Variants in CSTF2T observed in about 807,000 individuals in gnomAD.
CSTF2T encodes cleavage stimulation factor subunit 2 tau variant, also known as CF-1 64 kDa subunit tau.
In CSTF2T, 18 loss-of-function variants were observed where a neutral mutation model predicts 39.9. The observed-to-expected ratio is 0.45, with a 90% CI of 0.31 to 0.67. CSTF2T has a LOEUF of 0.67. Among genes scored for constraint, CSTF2T ranks in the 30% least tolerant of loss-of-function variants. CSTF2T has a pLI of 0.06. For missense variants in CSTF2T, 681 were observed against 789.0 expected, an observed-to-expected ratio of 0.86 and a Z score of 1.64; for synonymous variants, 291 against 276.4, an observed-to-expected ratio of 1.05 and a Z score of -0.52.
rs745824391 is a variant in CSTF2T at position 51,699,372 on chromosome 10, C to T, written c.178G>A (p.Gly60Ser). The T allele has an allele frequency of 4.3e-6, 7 of 1,614,158 alleles. No homozygotes were observed. In the South Asian group the frequency reaches 7.7e-5, roughly 18 times the overall value. The change falls in exon 1 of 1, where the codon GGC becomes AGC. Residue 60 changes from glycine to serine, a missense_variant. By Grantham distance (56) the Gly-to-Ser change is moderately conservative (BLOSUM62 0). Coordinates refer to ENST00000331173, the MANE Select transcript of CSTF2T (RefSeq NM_015235.3). ...TCCTGGTCTTGGTATTCGCAGAAGC[C>T]ATAGCCCTTGGGTTTTCCCGTCTCT... ...DRETGKPKGY[G>S]FCEYQDQETA...
Position 51,698,335 on chromosome 10 carries a change from T to C in CSTF2T, c.1215A>G (p.Leu405=). ...CTCTACCACCTCTACCATCCATAGG[T>C]AGACCCCTTTGATCTATCATGGGGC... ...PRGPMIDQRG[L]PMDGRGGRDS... Residue 405 remains leucine, a synonymous_variant, in exon 1 of 1, where the codon CTA becomes CTG. Transcript: ENST00000331173. 3 of 1,614,140 alleles carry C rather than the reference T, an allele frequency of 1.9e-6. No individual in the cohort carries two copies. Among genetic ancestry groups the C allele is most frequent in the South Asian group, 1.1e-5 (1 of 91,086 alleles).
Position 51,697,375 on chromosome 10 carries a change from C to T in CSTF2T, c.*324G>A, listed in dbSNP as rs1301910465. 1 of 247,654 alleles carries T rather than the reference C, an allele frequency of 4.0e-6. No individual in the cohort carries two copies. The highest frequency in any genetic ancestry group is 7.7e-6 in the Non-Finnish European group (1 of 129,846). 15.3% of individuals were successfully genotyped at this position (247,654 alleles called of 1,614,324 possible). Reference sequence around the variant, plus strand: ...TGAGCAGTTTTCACGAAGTTTTACTCGACATTTAAAAAATGTAGTTAACAT... The same window carrying T: ...TGAGCAGTTTTCACGAAGTTTTACTTGACATTTAAAAAATGTAGTTAACAT... On this transcript the variant is annotated 3_prime_UTR_variant, in exon 1 of 1. Transcript: ENST00000331173.
rs1447243903 is a variant in CSTF2T at position 51,697,116 on chromosome 10, A to C, written c.*583T>G. ...TTTTCAGGTAACATAACTTTAGAAAAAAACAATTCTAATACAAGTGTAACC... is the reference window on the plus strand; with the variant it reads ...TTTTCAGGTAACATAACTTTAGAAACAAACAATTCTAATACAAGTGTAACC... On this transcript the variant is annotated 3_prime_UTR_variant, in exon 1 of 1. Coordinates refer to ENST00000331173, the MANE Select transcript of CSTF2T (RefSeq NM_015235.3). The C allele has an allele frequency of 6.6e-6, 1 of 152,260 alleles. No homozygotes were observed. Among genetic ancestry groups the C allele is most frequent in the African/African-American group, 2.4e-5 (1 of 41,458 alleles). 9.4% of individuals were successfully genotyped at this position (152,260 alleles called of 1,614,324 possible). A position where few individuals can be genotyped will look rare whatever the true frequency, so the allele number is the denominator to read the frequency against.
Position 51,695,713 on chromosome 10 carries a change from G to T in CSTF2T, c.*1986C>A, listed in dbSNP as rs927537284. 1 of 152,102 alleles carries T rather than the reference G, an allele frequency of 6.6e-6. No homozygotes were observed. Among genetic ancestry groups the T allele is most frequent in the South Asian group, 2.1e-4 (1 of 4,834 alleles). The allele number at this position is 152,102 out of a possible 1,614,324, so 9.4% of individuals were successfully genotyped here. ...ATAGGGGAGGCATATAGGAAACATG[G>T]GAAAGTAGCAGTATGAACAAGAGTA... On this transcript the variant is annotated 3_prime_UTR_variant, in exon 1 of 1. Coordinates refer to ENST00000331173, the MANE Select transcript of CSTF2T (RefSeq NM_015235.3).
Position 51,699,307 on chromosome 10 carries a change from C to A in CSTF2T, c.243G>T (p.Glu81Asp). ...CCACCCGAAGCGCTCTCCCACTGAA[C>A]TCCCGCCCATTGAGGTTCCGCATGG... ...LSAMRNLNGR[E>D]FSGRALRVDN... The change falls in exon 1 of 1, where the codon GAG becomes GAT. Residue 81 changes from glutamate to aspartate, a missense_variant. Transcript: ENST00000331173. 3.1e-6 allele frequency: 5 copies of A among 1,614,164 alleles called. No homozygotes were observed. Among genetic ancestry groups the A allele is most frequent in the Non-Finnish European group, 4.2e-6 (5 of 1,180,038 alleles).
At position 51,699,591 on chromosome 10, in the gene CSTF2T, C is replaced by A. The variant is rs1183024455; in HGVS notation, c.-42G>T. 2 of 1,567,356 alleles carry A rather than the reference C, an allele frequency of 1.3e-6. No individual in the cohort carries two copies. Among genetic ancestry groups the A allele is most frequent in the East Asian group, 2.2e-5 (1 of 44,596 alleles). ...ACAGCCGATAGCGGATTCTTCGAGG[C>A]GTCTGTCCTCTTGCGACCGACACTT... On this transcript the variant is annotated 5_prime_UTR_variant, in exon 1 of 1. Transcript: ENST00000331173.
In CSTF2T at chr10:51,697,207, C is replaced by T; in HGVS notation, c.*492G>A. On this transcript the variant is annotated 3_prime_UTR_variant, in exon 1 of 1. Transcript: ENST00000331173. ...TAAGACAATGCTTATCCTATTGCCT[C>T]CAAAATAGGATTTTGTATTTTAAAT... 6.5e-6 allele frequency: 1 copy of T among 154,748 alleles called. No homozygotes were observed. Among genetic ancestry groups the T allele is most frequent in the East Asian group, 1.9e-4 (1 of 5,228 alleles). 9.6% of individuals were successfully genotyped at this position (154,748 alleles called of 1,614,324 possible).
Position 51,698,640 on chromosome 10 carries a change from G to T in CSTF2T, c.910C>A (p.Gln304Lys). ...GVGPVPLERG[Q>K]VQMSDPRAPI... ...GCTCTAGGATCTGACATCTGCACTTGTCCCCGCTCTAAAGGCACTGGGCCA... is the reference window on the plus strand; with the variant it reads ...GCTCTAGGATCTGACATCTGCACTTTTCCCCGCTCTAAAGGCACTGGGCCA... The change falls in exon 1 of 1, where the codon CAA (glutamine) becomes AAA (lysine). Residue 304 changes from glutamine (Q) to lysine (K), a missense_variant. Transcript: ENST00000331173. 1 of 1,614,104 alleles carries T rather than the reference G, an allele frequency of 6.2e-7. No individual in the cohort carries two copies. Among genetic ancestry groups the T allele is most frequent in the Non-Finnish European group, 8.5e-7 (1 of 1,180,038 alleles).
Position 51,697,457 on chromosome 10 carries a change from A to G in CSTF2T, c.*242T>C. 1.9e-6 allele frequency: 1 copy of G among 521,464 alleles called. No homozygotes were observed. Among genetic ancestry groups the G allele is most frequent in the Non-Finnish European group, 3.4e-6 (1 of 295,492 alleles). The allele number at this position is 521,464 out of a possible 1,614,324, so 32.3% of individuals were successfully genotyped here. A position where few individuals can be genotyped will look rare whatever the true frequency, so the allele number is the denominator to read the frequency against. ...TTTGTAATCTTATTTGGCATAATAT[A>G]ATCATGTTCAGAGTTATTTTAAAGT... is the stretch of plus-strand genomic sequence containing the variant. On this transcript the variant is annotated 3_prime_UTR_variant, in exon 1 of 1. Coordinates refer to ENST00000331173, the MANE Select transcript of CSTF2T (RefSeq NM_015235.3).
Position 51,698,868 on chromosome 10 carries a change from G to T in CSTF2T, c.682C>A (p.Leu228Met), listed in dbSNP as rs149125442. The change falls in exon 1 of 1, where the codon CTG (leucine) becomes ATG (methionine). Residue 228 changes from leucine (L) to methionine (M), a missense_variant. By Grantham distance (15) the Leu-to-Met change is conservative. Coordinates refer to ENST00000331173, the MANE Select transcript of CSTF2T (RefSeq NM_015235.3). ...GPGLCPGPNV[L>M]LNQQNPPAPQ... is the part of the protein sequence containing the mutation. The stretch of plus-strand genomic sequence containing the variant: ...GCTGGAGGATTCTGCTGGTTCAGCA[G>T]AACATTAGGTCCTGGGCAGAGCCCA... 888 of 1,614,008 alleles carry T rather than the reference G, an allele frequency of 5.5e-4. No homozygotes were observed. Among genetic ancestry groups the T allele is most frequent in the Non-Finnish European group, 7.2e-4 (849 of 1,180,010 alleles).
rs2132402077 is a variant in CSTF2T at position 51,696,135 on chromosome 10, A to C, written c.*1564T>G. The C allele has an allele frequency of 6.6e-6, 1 of 152,340 alleles. No individual in the cohort carries two copies. 9.4% of individuals were successfully genotyped at this position (152,340 alleles called of 1,614,324 possible). ...CAAAAAGTAAAATGAGCAGTAAGTC[A>C]AGTGAGTATTCAGGCTATATAAAAA... On this transcript the variant is annotated 3_prime_UTR_variant, in exon 1 of 1. Coordinates refer to ENST00000331173, the MANE Select transcript of CSTF2T (RefSeq NM_015235.3).
Position 51,698,229 on chromosome 10 carries a change from A to G in CSTF2T, c.1321T>C (p.Cys441Arg). 6.2e-7 allele frequency: 1 copy of G among 1,614,074 alleles called. No individual in the cohort carries two copies. Among genetic ancestry groups the G allele is most frequent in the Non-Finnish European group, 8.5e-7 (1 of 1,180,010 alleles). The change falls in exon 1 of 1, where the codon TGT becomes CGT. Residue 441 changes from cysteine (C) to arginine (R), a missense_variant. By Grantham distance (180) the Cys-to-Arg change is radical (BLOSUM62 -3). Coordinates refer to ENST00000331173, the MANE Select transcript of CSTF2T (RefSeq NM_015235.3). ...RVMERRGMETCAMETRGMEAR... is the reference protein window; with the variant it reads ...RVMERRGMETRAMETRGMEAR... ...TCCATCCCTCTGGTTTCCATCGCAC[A>G]GGTCTCCATTCCTCTCCTCTCCATT...
At position 51,697,942 on chromosome 10, in the gene CSTF2T, G is replaced by T. The variant is rs148098627; in HGVS notation, c.1608C>A (p.Val536=). The T allele has an allele frequency of 1.2e-4, 192 of 1,597,898 alleles. No individual in the cohort carries two copies. The highest frequency in any genetic ancestry group is 3.7e-4 in the South Asian group (33 of 89,614). The change falls in exon 1 of 1, where the codon GTC becomes GTA. Residue 536 remains valine, a synonymous_variant. Coordinates refer to ENST00000331173, the MANE Select transcript of CSTF2T (RefSeq NM_015235.3). ...GGMQGAGIQG[V]SIQGGGIQGG... ...CTTGTATACCTCCTCCTTGTATACTGACTCCTTGTATGCCTGCCCCCTGCA... is the reference window on the plus strand; with the variant it reads ...CTTGTATACCTCCTCCTTGTATACTTACTCCTTGTATGCCTGCCCCCTGCA...
Position 51,697,375 on chromosome 10 carries a change from C to G in CSTF2T, c.*324G>C, listed in dbSNP as rs1301910465. 1 of 247,536 alleles carries G rather than the reference C, an allele frequency of 4.0e-6. No individual in the cohort carries two copies. Among genetic ancestry groups the G allele is most frequent in the African/African-American group, 2.3e-5 (1 of 44,218 alleles). The allele number at this position is 247,536 out of a possible 1,614,324, so 15.3% of individuals were successfully genotyped here. On this transcript the variant is annotated 3_prime_UTR_variant, in exon 1 of 1. Transcript: ENST00000331173. ...TGAGCAGTTTTCACGAAGTTTTACTCGACATTTAAAAAATGTAGTTAACAT... is the reference window on the plus strand; with the variant it reads ...TGAGCAGTTTTCACGAAGTTTTACTGGACATTTAAAAAATGTAGTTAACAT...
At position 51,697,834 on chromosome 10, in the gene CSTF2T, C is replaced by G. The variant is rs368789709; in HGVS notation, c.1716G>C (p.Gln572His). The G allele has an allele frequency of 5.8e-5, 94 of 1,614,032 alleles. No homozygotes were observed. Among genetic ancestry groups the G allele is most frequent in the Non-Finnish European group, 6.8e-5 (80 of 1,180,034 alleles). The change falls in exon 1 of 1, where the codon CAG (glutamine) becomes CAC (histidine). Residue 572 changes from glutamine (Q) to histidine (H), a missense_variant. Physicochemically the swap from Gln to His is conservative, Grantham distance 24. This residue lies in a region of CSTF2T where 282 missense variants were observed against 289.2 expected (regional missense o/e 0.98). Coordinates refer to ENST00000331173, the MANE Select transcript of CSTF2T (RefSeq NM_015235.3). ...FSPGQSQVTPQDQEKAALIMQ... is the reference protein window; with the variant it reads ...FSPGQSQVTPHDQEKAALIMQ... ...TGATCAAAGCTGCCTTCTCCTGATC[C>G]TGTGGAGTGACCTGGCTCTGCCCAG...
Position 51,697,495 on chromosome 10 carries a change from A to C in CSTF2T, c.*204T>G, listed in dbSNP as rs1195464481. On this transcript the variant is annotated 3_prime_UTR_variant, in exon 1 of 1. Transcript: ENST00000331173. ...GTTATTTTAAAGTAACTTAAAGTGAACAGACGCACTCCCTCCTCCCCCCAC... is the reference window on the plus strand; with the variant it reads ...GTTATTTTAAAGTAACTTAAAGTGACCAGACGCACTCCCTCCTCCCCCCAC... The C allele has an allele frequency of 1.7e-6, 1 of 588,944 alleles. No individual in the cohort carries two copies. The highest frequency in any genetic ancestry group is 3.0e-6 in the Non-Finnish European group (1 of 335,520). 36.5% of individuals were successfully genotyped at this position (588,944 alleles called of 1,614,324 possible). A position where few individuals can be genotyped will look rare whatever the true frequency, so the allele number is the denominator to read the frequency against.
In CSTF2T at chr10:51,699,463, C is replaced by T. The variant is rs776352825; in HGVS notation, c.87G>A (p.Glu29=). Reference sequence around the variant, plus strand: ...CCGAGAAAATGTCCTTTAACTGCTCCTCAGTTGCCTCATATGGAATGTTCC... The same window carrying T: ...CCGAGAAAATGTCCTTTAACTGCTCTTCAGTTGCCTCATATGGAATGTTCC... The part of the protein sequence containing the change: ...FVGNIPYEAT[E]EQLKDIFSEV... Residue 29 remains glutamate, a synonymous_variant, in exon 1 of 1, where the codon GAG becomes GAA. Coordinates refer to ENST00000331173, the MANE Select transcript of CSTF2T (RefSeq NM_015235.3). The T allele has an allele frequency of 2.5e-6, 4 of 1,614,020 alleles. No individual in the cohort carries two copies. The highest frequency in any genetic ancestry group is 1.7e-5 in the Admixed American group (1 of 60,000).
chr10:51,697,394 T>A lies in CSTF2T; in HGVS notation c.*305A>T, dbSNP rs1398417445. The A allele has an allele frequency of 3.3e-6, 1 of 306,644 alleles. No individual in the cohort carries two copies. The highest frequency in any genetic ancestry group is 6.0e-6 in the Non-Finnish European group (1 of 166,788). The allele number at this position is 306,644 out of a possible 1,614,324, so 19.0% of individuals were successfully genotyped here. A position where few individuals can be genotyped will look rare whatever the true frequency, so the allele number is the denominator to read the frequency against. On this transcript the variant is annotated 3_prime_UTR_variant, in exon 1 of 1. Transcript: ENST00000331173. ...TTTACTCGACATTTAAAAAATGTAG[T>A]TAACATACTGTAGATGCTTCAATAT... is the stretch of plus-strand genomic sequence containing the variant.
rs75877881 is a variant in CSTF2T, at chr10:51,698,437, G to A, written c.1113C>T (p.Asp371=). Residue 371 remains aspartate (D), a synonymous_variant, in exon 1 of 1, where the codon GAC becomes GAT. Coordinates refer to ENST00000331173, the MANE Select transcript of CSTF2T (RefSeq NM_015235.3). The part of the protein sequence containing the change: ...GPPMHHASGH[D]TRGPSSHEMR... ...TCTCATGTGAGGAAGGGCCACGAGT[G>A]TCATGACCAGAGGCATGATGCATGG... 2.2e-4 allele frequency: 348 copies of A among 1,614,146 alleles called. No homozygotes were observed. In the African/African-American group the frequency reaches 3.9e-3, roughly 18 times the overall value.
Sources: allele counts gnomAD v4.1 joint callset, GRCh38; gene constraint gnomAD v4.1.1; regional missense constraint gnomAD v4.1.1; transcripts MANE v1.5; gene names NCBI Gene and HGNC (gene_info 2026-07-23, HGNC 2026-07-21).